Variants in TAFA2 observed in about 807,000 individuals in gnomAD.
TAFA2 encodes chemokine-like protein TAFA-2.
Under a neutral mutation model 18.8 loss-of-function variants are expected in TAFA2, and 7 were observed. The ratio of observed to expected loss-of-function variants is 0.37; its 90% CI spans 0.21 to 0.70. The LOEUF (loss-of-function observed/expected upper bound fraction) is 0.70. TAFA2 is among the 30% of genes least tolerant of loss of function. The pLI is 0.53. For synonymous variants in TAFA2, 60 were observed against 54.2 expected (o/e 1.11, Z -0.47); for missense variants, 122 against 158.1 (o/e 0.77, Z 1.23).
At chr12:62,209,231 C>G (rs1266671811) in intron 1 of TAFA2, among the ~76,000 whole-genome samples, 1 of 152,192 alleles carries the variant, frequency 6.6e-6, no homozygotes. Flanking sequence ...GTGGAGGTAA[C>G]TGAATCATGG....
chr12:61,760,382 ATGCGCCAG>A (rs1225386066), intron 2 of TAFA2, among the ~76,000 whole-genome samples: 1 of 146,952 alleles, frequency 6.8e-6, no homozygotes, highest in Admixed American at 6.9e-5. Flanking sequence ...ATATATATAT[ATGCGCCAG>A]TAAATATGTC....
intron 1 of TAFA2, among the ~76,000 whole-genome samples, chr12:62,160,075 A>G (rs934580955): frequency 6.6e-6 from 1 of 152,186 alleles, no homozygotes; most frequent in East Asian, 1.9e-4. Context: ...CAGTTCCCAT[A>G]CAGTCCCATA....
intron 1 of TAFA2, among the ~76,000 whole-genome samples, chr12:62,033,979 G>C (rs1328327811): frequency 6.6e-6 from 1 of 152,084 alleles, no homozygotes; most frequent in African/African-American, 2.4e-5. Flanking sequence ...GCTGAATCTT[G>C]GCAATTTCAT....
At chr12:61,902,319 C>G (rs1283203199) in intron 1 of TAFA2, among the ~76,000 whole-genome samples, 1 of 152,128 alleles carries the variant, frequency 6.6e-6, no homozygotes, top group East Asian at 1.9e-4. Flanking sequence ...TGACTTCTTT[C>G]CATATTTCCA....
chr12:61,796,970 C>T (rs1266107212), intron 2 of TAFA2, among the ~76,000 whole-genome samples: 1 of 152,106 alleles, frequency 6.6e-6, no homozygotes, highest in Non-Finnish European at 1.5e-5. Context: ...CTCATTATAC[C>T]TCTCTCAAAC....
At chr12:62,046,992 A>G (rs990326100) in intron 1 of TAFA2, among the ~76,000 whole-genome samples, 1 of 152,084 alleles carries the variant, frequency 6.6e-6, no homozygotes, top group African/African-American at 2.4e-5. Context: ...AGATTAAAGT[A>G]TAAGTTTATT....
chr12:62,123,813 C>CACACACACACACACACACACACACACA (rs1555192145), intron 1 of TAFA2, among the ~76,000 whole-genome samples: 3 of 147,850 alleles, frequency 2.0e-5, no homozygotes, highest in African/African-American at 7.5e-5. Context: ...CACACACACA[C>CACACACACACACACACACACACACACA]CACCTTTTGA....
Position 61,947,489 on chromosome 12 carries a change from A to AT in TAFA2, c.-1-80064_-1-80063insA, listed in dbSNP as rs1383918852. Among the ~76,000 whole-genome samples, 451 of 152,100 alleles carry AT rather than the reference A, an allele frequency of 3.0e-3. 4 individuals carry two copies. Among genetic ancestry groups the AT allele is most frequent in the African/African-American group, 9.7e-3 (404 of 41,486 alleles). On this transcript the variant is annotated intron_variant, in intron 1 of 4. Coordinates refer to ENST00000416284, the MANE Select transcript of TAFA2 (RefSeq NM_178539.5). Reference sequence around the variant, plus strand: ...AATAAATAAATAAATAAATAAATAAAAAAGAATTTTGTCATTCGTTTTATC... The same window carrying AT: ...AATAAATAAATAAATAAATAAATAAATAAAGAATTTTGTCATTCGTTTTATC...
intron 1 of TAFA2, among the ~76,000 whole-genome samples, chr12:61,887,077 T>C (rs1875415216): frequency 6.6e-6 from 1 of 152,228 alleles, no homozygotes; most frequent in Non-Finnish European, 1.5e-5. Context: ...GCTCAACTAA[T>C]AGATGTGGAT....
upstream of TAFA2, chr12:62,192,933 A>T (rs2062633330): frequency 6.6e-6 from 1 of 152,250 alleles, no homozygotes; most frequent in Non-Finnish European, 1.5e-5. Flanking sequence ...GAAAAAGAAA[A>T]AAATATCTGG....
At chr12:62,256,082 A>G (rs770300116) in intron 1 of TAFA2, among the ~76,000 whole-genome samples, 3 of 152,134 alleles carry the variant, frequency 2.0e-5, no homozygotes, top group Non-Finnish European at 4.4e-5. Context: ...CAGCCTGGCC[A>G]GCATGGTGAA....
intron 2 of TAFA2, among the ~76,000 whole-genome samples, chr12:61,785,118 C>T (rs927770435): frequency 2.0e-5 from 3 of 151,548 alleles, no homozygotes; most frequent in African/African-American, 4.8e-5. Flanking sequence ...TCCTTCCCTC[C>T]TGCCCTTCCC....
chr12:61,964,385 C>G (rs966786205), intron 1 of TAFA2, among the ~76,000 whole-genome samples: 1 of 151,798 alleles, frequency 6.6e-6, no homozygotes, highest in African/African-American at 2.4e-5. Context: ...ATAAAAGTCT[C>G]CTGAATTATC....
intron 1 of TAFA2, among the ~76,000 whole-genome samples, chr12:61,956,641 A>AC (rs1197766653): frequency 1.3e-5 from 2 of 151,696 alleles, no homozygotes; most frequent in Admixed American, 6.6e-5. Context: ...TAAAAAAAAA[A>AC]AAAAAACAGG....
chr12:62,027,208 TAA>T (rs1312111129), intron 1 of TAFA2, among the ~76,000 whole-genome samples: 1 of 152,190 alleles, frequency 6.6e-6, no homozygotes, highest in Non-Finnish European at 1.5e-5. Flanking sequence ...GATTTGCATA[TAA>T]GTTACTATTT....
rs34514238 is a variant in TAFA2, at chr12:62,144,047, T to TAA, written c.-2+47210_-2+47211dup. On this transcript the variant is annotated intron_variant, in intron 1 of 4. Coordinates refer to ENST00000416284, the MANE Select transcript of TAFA2 (RefSeq NM_178539.5). ...TGGGTGACAGAGTGAGACCCTATCTTAAAAAAAAAAAAAAAAAAAAAAAAG... is the reference window on the plus strand; with the variant it reads ...TGGGTGACAGAGTGAGACCCTATCTTAAAAAAAAAAAAAAAAAAAAAAAAAAG... 7.1e-3 allele frequency among the ~76,000 whole-genome samples: 564 copies of TAA among 79,148 alleles called. 8 individuals carry two copies. Among genetic ancestry groups the TAA allele is most frequent in the African/African-American group, 0.026 (543 of 20,560 alleles). The allele number at this position is 79,148 out of a possible 152,430, so 51.9% of individuals were successfully genotyped here.
chr12:61,990,888 G>A (rs1002000835), intron 1 of TAFA2, among the ~76,000 whole-genome samples: 13 of 152,142 alleles, frequency 8.5e-5, no homozygotes, highest in African/African-American at 3.1e-4. Context: ...AATGAGAAAA[G>A]TATTATAAGA....
rs905324159 is a variant in TAFA2, at chr12:62,203,409, G to A, written c.-130+55354C>T. ...AATATCCTTGTTAATTTTCTGTCTC[G>A]ATCATCTGTCTAATATTGACAGTGG... On this transcript the variant is annotated intron_variant, in intron 1 of 5. Coordinates refer to the TAFA2 transcript ENST00000551619. Among the ~76,000 whole-genome samples, 6 of 152,122 alleles carry A rather than the reference G, an allele frequency of 3.9e-5. No individual in the cohort carries two copies. The East Asian group carries it at 5.8e-4, about 15-fold the overall frequency.
chr12:62,076,030 A>G (rs1250728857), intron 1 of TAFA2, among the ~76,000 whole-genome samples: 4 of 152,216 alleles, frequency 2.6e-5, no homozygotes, highest in Non-Finnish European at 5.9e-5. Context: ...GACTGAACTG[A>G]GCCAAAATCC....
Sources: gnomAD v4.1 joint callset for allele counts (sites outside exome capture counted in the v4.1 genomes callset) on GRCh38, gnomAD v4.1.1 for gene constraint, MANE v1.5 for transcripts, NCBI Gene and HGNC (gene_info 2026-07-23, HGNC 2026-07-21) for gene names.